The following CLYBL variants were observed in gnomAD, a reference collection of about 807,000 sequenced individuals.
The protein encoded by CLYBL is citramalyl-CoA lyase, also known as citramalyl-CoA lyase, mitochondrial.
A neutral mutation model predicts 38.9 loss-of-function variants in CLYBL; 31 were observed. The observed-to-expected ratio is 0.80, with a 90% CI of 0.60 to 1.08. The LOEUF is 1.08. Among genes scored for constraint, CLYBL ranks in the 50% least tolerant of loss-of-function variants. CLYBL has a pLI of 0.00. For missense variants in CLYBL, 434 were observed against 411.6 expected (o/e 1.05, Z -0.47); for synonymous variants, 171 against 158.6 (o/e 1.08, Z -0.59).
At chr13:99,614,776 G>C (rs74114816) in intron 1 of CLYBL, among the ~76,000 whole-genome samples, 54 of 152,226 alleles carry the variant, frequency 3.5e-4, no homozygotes, top group African/African-American at 1.2e-3. Context: ...GGAGTCAGGG[G>C]GGGAGGCCGG....
At chr13:99,701,370 G>A (rs1177690503) in intron 1 of CLYBL, among the ~76,000 whole-genome samples, 1 of 152,112 alleles carries the variant, frequency 6.6e-6, no homozygotes, top group African/African-American at 2.4e-5. Context: ...GAGTGCAGTG[G>A]CGGGATCTCG....
intron 1 of CLYBL, among the ~76,000 whole-genome samples, chr13:99,676,186 G>GTCCTTCCTTCCGTCCTTCCT (rs2047643640): frequency 7.5e-6 from 1 of 132,994 alleles, no homozygotes; most frequent in Non-Finnish European, 1.6e-5. Context: ...CCCTCCGTCC[G>GTCCTTCCTTCCGTCCTTCCT]TCCTTCCTTC....
intron 7 of CLYBL, among the ~76,000 whole-genome samples, chr13:99,882,459 A>C (rs1321996620): frequency 6.6e-6 from 1 of 152,108 alleles, no homozygotes; most frequent in African/African-American, 2.4e-5. Context: ...GATCAAGACC[A>C]ATCTGGACAA....
intron 1 of CLYBL, among the ~76,000 whole-genome samples, chr13:99,676,901 G>A (rs1367155599): frequency 1.3e-5 from 2 of 151,712 alleles, no homozygotes; most frequent in Non-Finnish European, 2.9e-5. Context: ...CACTGCGCTC[G>A]GCCCATCATT....
At chr13:99,809,897 A>G (rs1043436066) in intron 2 of CLYBL, among the ~76,000 whole-genome samples, 6 of 152,204 alleles carry the variant, frequency 3.9e-5, no homozygotes, top group African/African-American at 1.4e-4. Context: ...TGAAGCCACC[A>G]AGCAGACTTG....
chr13:99,854,570 G>A (rs778296268), intron 2 of CLYBL, among the ~76,000 whole-genome samples: 39 of 152,084 alleles, frequency 2.6e-4, no homozygotes, highest in South Asian at 6.3e-4. Flanking sequence ...AGACTGTGCC[G>A]CCCTGCCGCG....
intron 7 of CLYBL, among the ~76,000 whole-genome samples, chr13:99,889,155 C>T (rs779843004): frequency 9.2e-5 from 14 of 152,182 alleles, no homozygotes; most frequent in African/African-American, 3.1e-4. Context: ...AAAGCAGGTT[C>T]GGGAACATGG....
chr13:99,844,353 A>T (rs2051150973), intron 2 of CLYBL, among the ~76,000 whole-genome samples: 1 of 152,254 alleles, frequency 6.6e-6, no homozygotes, highest in African/African-American at 2.4e-5. Flanking sequence ...TTGTGAGGGC[A>T]AATGAGATCA....
At chr13:99,767,072 A>G (rs897994527) in intron 1 of CLYBL, among the ~76,000 whole-genome samples, 3 of 152,200 alleles carry the variant, frequency 2.0e-5, no homozygotes, top group East Asian at 1.9e-4. Context: ...GGAACCCAAG[A>G]TGGTAGAGAA....
chr13:99,828,174 A>G (rs1018472361), intron 2 of CLYBL, among the ~76,000 whole-genome samples: 1 of 152,224 alleles, frequency 6.6e-6, no homozygotes, highest in Non-Finnish European at 1.5e-5. Context: ...CTGTTCAAAA[A>G]CTAGATGATG....
chr13:99,684,097 G>A (rs993596952), intron 1 of CLYBL, among the ~76,000 whole-genome samples: 2 of 140,990 alleles, frequency 1.4e-5, no homozygotes, highest in African/African-American at 5.3e-5. Flanking sequence ...GACCAGGCTG[G>A]TCTTGAACTC....
chr13:99,806,305 C>G (rs955298166), intron 2 of CLYBL, among the ~76,000 whole-genome samples: 9 of 152,102 alleles, frequency 5.9e-5, no homozygotes, highest in Non-Finnish European at 1.2e-4. Context: ...TTAAGTATTA[C>G]TTTTAACTTT....
downstream of CLYBL, chr13:99,894,738 G>C (rs1170126845): frequency 8.2e-4 from 48 of 58,248 alleles, 1 homozygote; most frequent in African/African-American, 3.0e-3. Flanking sequence ...GCCTGAGGCG[G>C]GGGGGGGGGG....
intron 8 of CLYBL, 54 bp downstream of exon 8, chr13:99,891,491 C>T (rs2052488907): frequency 1.0e-6 from 1 of 1,004,258 alleles, no homozygotes; most frequent in Non-Finnish European, 1.6e-6. Flanking sequence ...ATACTCAAAG[C>T]AACTTGTTAG....
intron 2 of CLYBL, among the ~76,000 whole-genome samples, chr13:99,838,561 T>G (rs1329346315): frequency 6.6e-6 from 1 of 152,232 alleles, no homozygotes; most frequent in Non-Finnish European, 1.5e-5. Context: ...TTTTTCAGCT[T>G]CAGAAGAATG....
chr13:99,644,664 C>T (rs913269185), intron 1 of CLYBL, among the ~76,000 whole-genome samples: 2 of 152,140 alleles, frequency 1.3e-5, no homozygotes, highest in Non-Finnish European at 2.9e-5. Flanking sequence ...CCTTCCTCTA[C>T]CCCACTACCC....
chr13:99,732,067 C>T, intron 1 of CLYBL, among the ~76,000 whole-genome samples: 1 of 151,616 alleles, frequency 6.6e-6, no homozygotes, highest in Non-Finnish European at 1.5e-5. Context: ...TTTTCTTTTT[C>T]CCTTCTTTCT....
In CLYBL at chr13:99,744,820, C is replaced by G. The variant is rs566573560; in HGVS notation, c.63-28004C>G. ...TGTGCTGAGCAGGCAGAAGCTGCAT[C>G]CCAGGTAGTAGGTCTGTCTGCTACT... On this transcript the variant is annotated intron_variant, in intron 1 of 8. Coordinates refer to ENST00000339105, the MANE Select transcript of CLYBL (RefSeq NM_206808.5). Among the ~76,000 whole-genome samples, 9 of 152,286 alleles carry G rather than the reference C, an allele frequency of 5.9e-5. No homozygotes were observed. In the South Asian group the frequency reaches 1.9e-3, roughly 32 times the overall value.
intron 1 of CLYBL, among the ~76,000 whole-genome samples, chr13:99,712,156 A>G (rs1481065203): frequency 1.3e-5 from 2 of 152,156 alleles, no homozygotes; most frequent in East Asian, 1.9e-4. Flanking sequence ...CTATAGTACC[A>G]TTAACTTTCT....
Sources: gnomAD v4.1 joint callset for allele counts (sites outside exome capture counted in the v4.1 genomes callset) on GRCh38, gnomAD v4.1.1 for gene constraint, MANE v1.5 for transcripts, NCBI Gene and HGNC (gene_info 2026-07-23, HGNC 2026-07-21) for gene names.